Variants in DOP1B observed in about 807,000 individuals in gnomAD.
DOP1B encodes protein DOP1B.
Under a neutral mutation model 233.5 loss-of-function variants are expected in DOP1B, and 174 were observed. That is an observed-to-expected ratio of 0.75 (90% CI 0.66 to 0.85). The LOEUF is 0.85. Among genes scored for constraint, DOP1B ranks in the 40% least tolerant of loss-of-function variants. DOP1B has a pLI of 0.00. For synonymous variants in DOP1B, 1,190 were observed against 1,185.6 expected, an observed-to-expected ratio of 1.00 and a Z score of -0.08; for missense variants, 2,652 against 2,846.6, an observed-to-expected ratio of 0.93 and a Z score of 1.56.
At position 36,251,212 on chromosome 21, in the gene DOP1B, T is replaced by C. The variant is rs768538007; in HGVS notation, c.5049T>C (p.Leu1683=). 2 of 1,614,106 alleles carry C rather than the reference T, an allele frequency of 1.2e-6. No individual in the cohort carries two copies. Among genetic ancestry groups the C allele is most frequent in the Non-Finnish European group, 1.7e-6 (2 of 1,180,022 alleles). ...LDFLNPLTAH[L]GVQLTAAVAA... ...TCTTAAACCCCTTGACGGCCCATCT[T>C]GGGGTTCAGTTGACAGCGGCTGTTG... The change falls in exon 22 of 37, where the codon CTT becomes CTC. Residue 1683 remains leucine (L), a synonymous_variant. Coordinates refer to ENST00000691173, the MANE Select transcript of DOP1B (RefSeq NM_001320714.2).
intron 36 of DOP1B, among the ~76,000 whole-genome samples, 162 bp from the exon 37 acceptor site, chr21:36,293,158 A>G (rs1192880970): frequency 6.7e-6 from 1 of 149,892 alleles, no homozygotes; most frequent in East Asian, 1.9e-4. Flanking sequence ...GTGAGCCAAG[A>G]TCACGCTGCT....
At chr21:36,183,714 C>T (rs754630601) in intron 2 of DOP1B, among the ~76,000 whole-genome samples, 1 of 152,228 alleles carries the variant, frequency 6.6e-6, no homozygotes, top group Non-Finnish European at 1.5e-5. Context: ...GCCGCCTCTG[C>T]CAGCCACAGC....
chr21:36,267,567 C>T (rs1041435), intron 26 of DOP1B, among the ~76,000 whole-genome samples: 8 of 150,246 alleles, frequency 5.3e-5, no homozygotes, highest in African/African-American at 1.7e-4. Flanking sequence ...ACCTGTAGTC[C>T]CAGCTACCTG....
Position 36,214,144 on chromosome 21 carries a change from AGTC to A in DOP1B, c.972_974del (p.Ser325del). On this transcript the variant is annotated inframe_deletion, in exon 8 of 37. Coordinates refer to ENST00000691173, the MANE Select transcript of DOP1B (RefSeq NM_001320714.2). ...GAAATCTCAAATTCTTATGAAGACC[AGTC>A]GTCTTATTTTTTTGAAAAATACTCC... is the stretch of plus-strand genomic sequence containing the variant. 1.2e-6 allele frequency: 2 copies of A among 1,613,994 alleles called. No individual in the cohort carries two copies. Among genetic ancestry groups the A allele is most frequent in the Non-Finnish European group, 1.7e-6 (2 of 1,179,992 alleles).
chr21:36,245,680 C>A lies in DOP1B; in HGVS notation c.3700C>A (p.Pro1234Thr). 6.2e-7 allele frequency: 1 copy of A among 1,613,768 alleles called. No individual in the cohort carries two copies. ...CAAGCACATCCTGCTCTACCTGCAG[C>A]CCTACGACTCTCGGCGGGTCCTCTA... ...LFKHILLYLQ[P>T]YDSRRVLYAF... Residue 1234 changes from proline (P) to threonine (T), a missense_variant, in exon 19 of 37, where the codon CCC becomes ACC. Pro to Thr is a conservative substitution (Grantham distance 38). This residue lies in a region of DOP1B where 2,617 missense variants were observed against 2,794.3 expected (regional missense o/e 0.94). Coordinates refer to ENST00000691173, the MANE Select transcript of DOP1B (RefSeq NM_001320714.2). This position sits in a 1 kb window ranked among gnomAD's most constrained non-coding sequence, Gnocchi z 5.5.
intron 4 of DOP1B, among the ~76,000 whole-genome samples, chr21:36,201,869 G>A (rs567297055): frequency 6.6e-6 from 1 of 152,168 alleles, no homozygotes; most frequent in East Asian, 1.9e-4. Context: ...TTAGGAATGG[G>A]AGAAAGTGTG....
chr21:36,219,714 T>G (rs1036408510), intron 10 of DOP1B, among the ~76,000 whole-genome samples: 2 of 152,136 alleles, frequency 1.3e-5, no homozygotes, highest in Middle Eastern at 3.4e-3. Context: ...TGATATAGTC[T>G]TTCCCCCAGC....
chr21:36,225,306 T>G (rs1296484737), intron 11 of DOP1B, among the ~76,000 whole-genome samples: 1 of 151,966 alleles, frequency 6.6e-6, no homozygotes, highest in East Asian at 1.9e-4. Flanking sequence ...CTTGTCTCAC[T>G]GCAACCTCTG....
chr21:36,260,416 A>G (rs2067157139), intron 23 of DOP1B, among the ~76,000 whole-genome samples: 1 of 152,130 alleles, frequency 6.6e-6, no homozygotes, highest in African/African-American at 2.4e-5. Flanking sequence ...ATGCCTGTTG[A>G]CGCCTGGAAT....
intron 32 of DOP1B, among the ~76,000 whole-genome samples, chr21:36,282,235 A>G (rs559064236): frequency 2.0e-5 from 3 of 152,234 alleles, no homozygotes; most frequent in African/African-American, 7.2e-5. Context: ...AGCCTGACCA[A>G]CGTGGTGAAA....
chr21:36,184,023 C>T (rs1178796022), intron 2 of DOP1B, among the ~76,000 whole-genome samples: 1 of 151,768 alleles, frequency 6.6e-6, no homozygotes, highest in Non-Finnish European at 1.5e-5. Context: ...GCCACCACGC[C>T]TGGTTAATTT....
rs1182270923 is a variant in DOP1B at position 36,245,714 on chromosome 21, C to T, written c.3734C>T (p.Ser1245Leu). The T allele has an allele frequency of 9.3e-6, 15 of 1,613,792 alleles. No homozygotes were observed. Among genetic ancestry groups the T allele is most frequent in the South Asian group, 6.6e-5 (6 of 91,076 alleles). Residue 1245 changes from serine to leucine, a missense_variant, in exon 19 of 37, where the codon TCG becomes TTG. Transcript: ENST00000691173. The surrounding 1 kb of genome is among the most constrained non-coding windows in gnomAD (Gnocchi z 5.5). Reference protein sequence around the residue: ...YDSRRVLYAFSVLEAVLKTNP... With the variant: ...YDSRRVLYAFLVLEAVLKTNP... ...TCTCGGCGGGTCCTCTATGCCTTCT[C>T]GGTGCTGGAGGCTGTGCTCAAAACC...
In DOP1B at chr21:36,245,245, C is replaced by G; in HGVS notation, c.3265C>G (p.Leu1089Val). Residue 1089 changes from leucine (L) to valine (V), a missense_variant, in exon 19 of 37, where the codon CTG becomes GTG. By Grantham distance (32) the Leu-to-Val change is conservative. This residue lies in a region of DOP1B where 2,617 missense variants were observed against 2,794.3 expected (regional missense o/e 0.94). Coordinates refer to ENST00000691173, the MANE Select transcript of DOP1B (RefSeq NM_001320714.2). This position sits in a 1 kb window ranked among gnomAD's most constrained non-coding sequence, Gnocchi z 5.5. Reference sequence around the variant, plus strand: ...GCGAGGCGAGCTGAGCGAGGAAGAGCTGCCCTACTACGTGGAGCTTCCAGA... The same window carrying G: ...GCGAGGCGAGCTGAGCGAGGAAGAGGTGCCCTACTACGTGGAGCTTCCAGA... ...PLRGELSEEE[L>V]PYYVELPDRT... The G allele has an allele frequency of 6.2e-7, 1 of 1,614,176 alleles. No homozygotes were observed. The highest frequency in any genetic ancestry group is 8.5e-7 in the Non-Finnish European group (1 of 1,180,048).
At chr21:36,249,248 C>T (rs2067005878) in intron 21 of DOP1B, among the ~76,000 whole-genome samples, 1 of 151,354 alleles carries the variant, frequency 6.6e-6, no homozygotes, top group Admixed American at 6.6e-5. Context: ...GCCAACATGG[C>T]GAAACCCCAT....
chr21:36,275,812 A>G (rs1189954790), intron 27 of DOP1B, among the ~76,000 whole-genome samples: 1 of 152,116 alleles, frequency 6.6e-6, no homozygotes, highest in Non-Finnish European at 1.5e-5. Context: ...TGTACCCAGC[A>G]GTGCATTCTT....
At chr21:36,293,298 T>C in intron 36 of DOP1B, 22 bp from the exon 37 acceptor site, 1 of 1,609,758 alleles carries the variant, frequency 6.2e-7, no homozygotes. Context: ...ATATCATTGT[T>C]ATGGGTTTGT....
At chr21:36,176,121 T>TGTGTGTGTGTGTGTGTGTGTGG (rs962494737) in intron 2 of DOP1B, among the ~76,000 whole-genome samples, 101 of 151,870 alleles carry the variant, frequency 6.7e-4, no homozygotes, top group African/African-American at 2.1e-3. Flanking sequence ...TGTGTGTGTG[T>TGTGTGTGTGTGTGTGTGTGTGG]GGTGATACAG....
At chr21:36,207,505 T>G (rs560224362) in intron 4 of DOP1B, among the ~76,000 whole-genome samples, 14 of 137,716 alleles carry the variant, frequency 1.0e-4, no homozygotes, top group East Asian at 2.0e-4. Context: ...TTTTGTTTTT[T>G]TTTTTTTTTT....
intron 31 of DOP1B, among the ~76,000 whole-genome samples, chr21:36,280,548 G>C (rs373136617): frequency 6.6e-6 from 1 of 152,134 alleles, no homozygotes; most frequent in Non-Finnish European, 1.5e-5. Flanking sequence ...AGAACGCCAC[G>C]ACAACCTTTT....
Sources: allele counts gnomAD v4.1 joint callset (sites outside exome capture counted in the v4.1 genomes callset), GRCh38; gene constraint gnomAD v4.1.1; regional missense constraint gnomAD v4.1.1; non-coding constraint Gnocchi (gnomAD v3.1); transcripts MANE v1.5; gene names NCBI Gene and HGNC (gene_info 2026-07-23, HGNC 2026-07-21).